Variants in CSNK2A2IP observed in about 807,000 individuals in gnomAD.
CSNK2A2IP encodes the protein casein kinase II subunit alpha'-interacting protein.
the CSNK2A2IP span, among the ~76,000 whole-genome samples, chr3:88,354,222 C>G: frequency 1.3e-5 from 2 of 152,136 alleles, no homozygotes; most frequent in African/African-American, 2.4e-5. Flanking sequence ...AAATACCCAG[C>G]CTTAGGTATT....
At chr3:88,371,521 A>G in the CSNK2A2IP span, among the ~76,000 whole-genome samples, 1 of 151,810 alleles carries the variant, frequency 6.6e-6, no homozygotes, top group Non-Finnish European at 1.5e-5. Flanking sequence ...AGAAATAAAA[A>G]TAAAGAAAAA....
At chr3:88,366,644 A>G in the CSNK2A2IP span, among the ~76,000 whole-genome samples, 679 of 152,132 alleles carry the variant, frequency 4.5e-3, 7 homozygotes, top group Middle Eastern at 6.8e-3. Context: ...GGATTAAGAA[A>G]GAGAAACAGG....
At chr3:88,357,091 G>T in the CSNK2A2IP span, among the ~76,000 whole-genome samples, 1 of 151,858 alleles carries the variant, frequency 6.6e-6, no homozygotes, top group Non-Finnish European at 1.5e-5. Context: ...TGTTTCCTTT[G>T]TTGTGCAAAA....
At chr3:88,464,804 T>C in the CSNK2A2IP span, among the ~76,000 whole-genome samples, 3 of 152,236 alleles carry the variant, frequency 2.0e-5, no homozygotes, top group Non-Finnish European at 4.4e-5. Context: ...CTGCATTTTA[T>C]TGAGCATCTA....
At chr3:88,449,505 A>G in the CSNK2A2IP span, among the ~76,000 whole-genome samples, 1 of 151,846 alleles carries the variant, frequency 6.6e-6, no homozygotes, top group Non-Finnish European at 1.5e-5. Context: ...TTTTAGGAAA[A>G]ATGAAAAAAA....
At chr3:88,354,556 G>A in the CSNK2A2IP span, among the ~76,000 whole-genome samples, 2 of 152,170 alleles carry the variant, frequency 1.3e-5, no homozygotes, top group Non-Finnish European at 1.5e-5. Flanking sequence ...GTTATGCATA[G>A]TACACAGGTG....
chr3:88,366,282 G>A, the CSNK2A2IP span, among the ~76,000 whole-genome samples: 1 of 152,124 alleles, frequency 6.6e-6, no homozygotes, highest in African/African-American at 2.4e-5. Flanking sequence ...GGCAACACTG[G>A]CATTCCAGTT....
the CSNK2A2IP span, among the ~76,000 whole-genome samples, chr3:88,378,597 C>T: frequency 1.3e-5 from 2 of 151,976 alleles, no homozygotes; most frequent in South Asian, 2.1e-4. Context: ...TAAATAGACA[C>T]GTATGGCTAA....
chr3:88,353,152 A>G, the CSNK2A2IP span, among the ~76,000 whole-genome samples: 6 of 152,088 alleles, frequency 3.9e-5, no homozygotes, highest in African/African-American at 1.4e-4. Context: ...ATTTAGTTTC[A>G]ACTCCCCCAA....
chr3:88,414,523 C>T, the CSNK2A2IP span, among the ~76,000 whole-genome samples: 1 of 151,852 alleles, frequency 6.6e-6, no homozygotes, highest in East Asian at 1.9e-4. Flanking sequence ...CCTCATGATC[C>T]ACCTGCCTTT....
chr3:88,447,317 G>A, the CSNK2A2IP span, among the ~76,000 whole-genome samples: 1 of 152,108 alleles, frequency 6.6e-6, no homozygotes, highest in Non-Finnish European at 1.5e-5. Flanking sequence ...ATATTCTAGA[G>A]CAAGTGTTTG....
the CSNK2A2IP span, among the ~76,000 whole-genome samples, chr3:88,380,662 T>C: frequency 6.6e-6 from 1 of 151,962 alleles, no homozygotes; most frequent in Non-Finnish European, 1.5e-5. Context: ...TTGACTGGAA[T>C]TGCCCCATGT....
At chr3:88,376,134 A>G in the CSNK2A2IP span, among the ~76,000 whole-genome samples, 1 of 151,674 alleles carries the variant, frequency 6.6e-6, no homozygotes, top group East Asian at 1.9e-4. Context: ...TATTTTTATC[A>G]TTCATTGCCA....
At chr3:88,445,274 C>CCAAAAAAAAAAAAAAAAAAAAAA in the CSNK2A2IP span, among the ~76,000 whole-genome samples, 1 of 9,044 alleles carries the variant, frequency 1.1e-4, no homozygotes, top group Admixed American at 1.2e-3. Context: ...AGTAAAAATA[C>CCAAAAAAAAAAAAAAAAAAAAAA]CAAAAAAAAA....
At chr3:88,386,722 G>A in the CSNK2A2IP span, among the ~76,000 whole-genome samples, 1 of 152,160 alleles carries the variant, frequency 6.6e-6, no homozygotes, top group Non-Finnish European at 1.5e-5. Flanking sequence ...AACATGTGGT[G>A]GTTAGTGAAC....
At chr3:88,412,938 T>C in the CSNK2A2IP span, among the ~76,000 whole-genome samples, 65 of 152,080 alleles carry the variant, frequency 4.3e-4, 1 homozygote, top group Admixed American at 4.2e-3. Flanking sequence ...CGTGGCTATA[T>C]ATGAATTGTC....
the CSNK2A2IP span, among the ~76,000 whole-genome samples, chr3:88,397,176 A>T: frequency 6.6e-6 from 1 of 152,172 alleles, no homozygotes; most frequent in Non-Finnish European, 1.5e-5. Context: ...AGATACAATG[A>T]TTTTAGTGAG....
chr3:88,383,674 T>TGG, the CSNK2A2IP span, among the ~76,000 whole-genome samples: 2 of 71,806 alleles, frequency 2.8e-5, no homozygotes, highest in Non-Finnish European at 5.3e-5. Flanking sequence ...TTTTTTTTTT[T>TGG]GGGACGGAGT....
the CSNK2A2IP span, among the ~76,000 whole-genome samples, chr3:88,350,579 T>C: frequency 8.1e-6 from 1 of 123,914 alleles, no homozygotes; most frequent in African/African-American, 2.9e-5. Context: ...AGGGAACAAA[T>C]ACACTAAATT....
Sources: allele counts gnomAD v4.1 joint callset (sites outside exome capture counted in the v4.1 genomes callset), GRCh38; gene constraint gnomAD v4.1.1; transcripts MANE v1.5; gene names NCBI Gene and HGNC (gene_info 2026-07-23, HGNC 2026-07-21).